The following PALD1 variants were observed in gnomAD, a reference collection of about 807,000 sequenced individuals.
PALD1 encodes the protein paladin.
Under a neutral mutation model 96.0 loss-of-function variants are expected in PALD1, and 57 were observed. That is an observed-to-expected ratio of 0.59 (90% CI 0.48 to 0.74). The LOEUF (loss-of-function observed/expected upper bound fraction) is 0.74. Among genes scored for constraint, PALD1 ranks in the 30% least tolerant of loss-of-function variants. PALD1 has a pLI of 0.00. For missense variants in PALD1, 1,063 were observed against 1,143.7 expected (o/e 0.93, Z 1.02); for synonymous variants, 464 against 473.6 (o/e 0.98, Z 0.26).
rs1846510719 is a variant in PALD1 at position 70,511,195 on chromosome 10, C to T, written c.-29-14728C>T. Among the ~76,000 whole-genome samples, 7 of 152,198 alleles carry T rather than the reference C, an allele frequency of 4.6e-5. No individual in the cohort carries two copies. In the South Asian group the frequency reaches 1.5e-3, roughly 32 times the overall value. On this transcript the variant is annotated intron_variant, in intron 1 of 19. Transcript: ENST00000263563. ...GTGCATTAATCAGGATTAGATTTGGCTGCAAGTAATAGGAAAAGCCAAATA... is the reference window on the plus strand; with the variant it reads ...GTGCATTAATCAGGATTAGATTTGGTTGCAAGTAATAGGAAAAGCCAAATA...
At chr10:70,505,333 C>T (rs1359727838) in intron 1 of PALD1, among the ~76,000 whole-genome samples, 3 of 152,142 alleles carry the variant, frequency 2.0e-5, no homozygotes, top group African/African-American at 7.2e-5. Flanking sequence ...TGGTGGCTCA[C>T]GCCTATAATC....
At position 70,532,615 on chromosome 10, in the gene PALD1, C is replaced by T; in HGVS notation, c.634-6C>T. On this transcript the variant is annotated splice_polypyrimidine_tract_variant and splice_region_variant and intron_variant, in intron 5 of 19. Coordinates refer to ENST00000263563, the MANE Select transcript of PALD1 (RefSeq NM_014431.3). ...ATGGCCCTCTGACCCCCACACCTCC[C>T]TCTAGATCCACGACTTTGCCCAGCT... 9 of 1,613,576 alleles carry T rather than the reference C, an allele frequency of 5.6e-6. No individual in the cohort carries two copies. Among genetic ancestry groups the T allele is most frequent in the Non-Finnish European group, 7.6e-6 (9 of 1,179,694 alleles).
chr10:70,534,489 C>T lies in PALD1; in HGVS notation c.1087C>T (p.Arg363Cys), dbSNP rs371898916. 2.4e-5 allele frequency: 39 copies of T among 1,612,948 alleles called. No homozygotes were observed. The highest frequency in any genetic ancestry group is 1.7e-4 in the Middle Eastern group (1 of 6,038). ...EQFQVIQSFL[R>C]MVPQGRRMVE... ...GTTCCAGGTGATCCAGAGCTTTCTC[C>T]GCATGGTGCCCCAGGGAAGGAGGAT... is the stretch of plus-strand genomic sequence containing the variant. The change falls in exon 9 of 20, where the codon CGC becomes TGC. Residue 363 changes from arginine to cysteine, a missense_variant. Physicochemically the swap from Arg to Cys is radical, Grantham distance 180 (BLOSUM62 -3). Transcript: ENST00000263563.
intron 7 of PALD1, among the ~76,000 whole-genome samples, chr10:70,533,555 G>A (rs1847041620): frequency 6.6e-6 from 1 of 152,156 alleles, no homozygotes; most frequent in African/African-American, 2.4e-5. Flanking sequence ...TTCTTTAGTG[G>A]AGCTAACGAC....
intron 6 of PALD1, 40 bp from the exon 7 acceptor site, chr10:70,532,955 G>T: frequency 6.4e-7 from 1 of 1,550,828 alleles, no homozygotes; most frequent in Middle Eastern, 2.2e-4. Context: ...GATTCCCAGA[G>T]TGGGTGCCTG....
chr10:70,503,453 T>C (rs146633874), intron 1 of PALD1, among the ~76,000 whole-genome samples: 2,048 of 152,074 alleles, frequency 0.013, 47 homozygotes, highest in African/African-American at 0.046. Context: ...CTGGCCAACA[T>C]GGCAAAACCC....
At chr10:70,558,691 GT>G in intron 18 of PALD1, among the ~76,000 whole-genome samples, 1 of 124,968 alleles carries the variant, frequency 8.0e-6, no homozygotes, top group Non-Finnish European at 1.8e-5. Flanking sequence ...GCAAATTCTT[GT>G]AAGAATTTGC....
chr10:70,551,308 G>GT (rs955421104), intron 18 of PALD1, among the ~76,000 whole-genome samples: 7 of 130,774 alleles, frequency 5.4e-5, no homozygotes, highest in African/African-American at 1.6e-4. Context: ...CAAACCAGAA[G>GT]TCCCAGGTGG....
At chr10:70,535,608 TTCCTCCTTC>T (rs529284703) in intron 10 of PALD1, among the ~76,000 whole-genome samples, 215 of 143,620 alleles carry the variant, frequency 1.5e-3, no homozygotes, top group Non-Finnish European at 2.6e-3. Flanking sequence ...CTCCTTCCTC[TTCCTCCTTC>T]TCCTCCTTCT....
At chr10:70,524,191 T>C (rs1846804417) in intron 1 of PALD1, among the ~76,000 whole-genome samples, 1 of 151,706 alleles carries the variant, frequency 6.6e-6, no homozygotes, top group Non-Finnish European at 1.5e-5. Context: ...TGTCCAAGGA[T>C]GCTTATTGTC....
the PALD1 span, among the ~76,000 whole-genome samples, chr10:70,471,453 A>G: frequency 1.3e-5 from 2 of 152,194 alleles, no homozygotes; most frequent in Non-Finnish European, 2.9e-5. Flanking sequence ...GGTCAACACC[A>G]CTGTGGTCAT....
At position 70,539,466 on chromosome 10, in the gene PALD1, T is replaced by G. The variant is rs1589208959; in HGVS notation, c.1726-114T>G. The G allele has an allele frequency of 9.1e-7, 1 of 1,099,250 alleles. No individual in the cohort carries two copies. Among genetic ancestry groups the G allele is most frequent in the Non-Finnish European group, 1.3e-6 (1 of 790,828 alleles). The allele number at this position is 1,099,250 out of a possible 1,614,324, so 68.1% of individuals were successfully genotyped here. A position where few individuals can be genotyped will look rare whatever the true frequency, so the allele number is the denominator to read the frequency against. On this transcript the variant is annotated intron_variant, in intron 14 of 19. Coordinates refer to ENST00000263563, the MANE Select transcript of PALD1 (RefSeq NM_014431.3). This position sits in a 1 kb window ranked among gnomAD's most constrained non-coding sequence, Gnocchi z 4.5. The stretch of plus-strand genomic sequence containing the variant: ...CTGTGACCCCTGAGGCTTGGGGGGG[T>G]CAGGGATGGGACTGGAAGCCAGGGC...
At chr10:70,473,615 A>G in the PALD1 span, among the ~76,000 whole-genome samples, 6 of 151,878 alleles carry the variant, frequency 4.0e-5, no homozygotes, top group Admixed American at 2.6e-4. Flanking sequence ...GTCTTGGAAT[A>G]TAGAAGGGGC....
At chr10:70,529,121 C>T (rs61065349) in intron 2 of PALD1, 108 bp from the exon 3 acceptor site, 39 of 624,982 alleles carry the variant, frequency 6.2e-5, no homozygotes, top group East Asian at 1.4e-4. Flanking sequence ...TGCCACAAAT[C>T]GTAGCCACAG....
At position 70,532,602 on chromosome 10, in the gene PALD1, C is replaced by T; in HGVS notation, c.634-19C>T. On this transcript the variant is annotated intron_variant, in intron 5 of 19. Coordinates refer to ENST00000263563, the MANE Select transcript of PALD1 (RefSeq NM_014431.3). ...TGAAGTTCAGGCCATGGCCCTCTGA[C>T]CCCCACACCTCCCTCTAGATCCACG... is the stretch of plus-strand genomic sequence containing the variant. 1 of 1,611,450 alleles carries T rather than the reference C, an allele frequency of 6.2e-7. No individual in the cohort carries two copies. Among genetic ancestry groups the T allele is most frequent in the Non-Finnish European group, 8.5e-7 (1 of 1,178,490 alleles).
At chr10:70,486,752 T>A (rs963936733) in intron 1 of PALD1, among the ~76,000 whole-genome samples, 73 of 151,940 alleles carry the variant, frequency 4.8e-4, no homozygotes, top group African/African-American at 1.6e-3. Context: ...CAGAGTGAGA[T>A]TCTGTCTCAA....
chr10:70,470,543 AAAT>A, the PALD1 span, among the ~76,000 whole-genome samples: 17 of 144,676 alleles, frequency 1.2e-4, no homozygotes, highest in East Asian at 3.1e-3. Context: ...ATTATATAAT[AAAT>A]AATATTTTTA....
At chr10:70,555,797 C>T (rs1479631658) in intron 18 of PALD1, among the ~76,000 whole-genome samples, 3 of 152,098 alleles carry the variant, frequency 2.0e-5, no homozygotes, top group Non-Finnish European at 2.9e-5. Flanking sequence ...GTCAGGAGAT[C>T]GAGACCATCC....
At chr10:70,477,079 C>T (rs1320471835), upstream of PALD1, among the ~76,000 whole-genome samples, 1 of 152,114 alleles carries the variant, frequency 6.6e-6, no homozygotes, top group Non-Finnish European at 1.5e-5. Context: ...CCTGCTCACA[C>T]ACATGTTGCT....
Sources: allele counts gnomAD v4.1 joint callset (sites outside exome capture counted in the v4.1 genomes callset), GRCh38; gene constraint gnomAD v4.1.1; non-coding constraint Gnocchi (gnomAD v3.1); transcripts MANE v1.5; gene names NCBI Gene and HGNC (gene_info 2026-07-23, HGNC 2026-07-21).